UST: variants seen among roughly 807,000 people sequenced by gnomAD.
UST encodes the protein uronyl 2-sulfotransferase.
In UST, 21 loss-of-function variants were observed where a neutral mutation model predicts 45.6. That is an observed-to-expected ratio of 0.46 (90% CI 0.33 to 0.66). The LOEUF (loss-of-function observed/expected upper bound fraction) is 0.66. UST is among the 30% of genes least tolerant of loss of function. The pLI, the probability that UST is intolerant of heterozygous loss-of-function variation, is 0.02. For missense variants in UST, 463 were observed against 512.4 expected, an observed-to-expected ratio of 0.90 and a Z score of 0.93; for synonymous variants, 215 against 200.6, an observed-to-expected ratio of 1.07 and a Z score of -0.61.
intron 2 of UST, among the ~76,000 whole-genome samples, chr6:148,916,652 G>C (rs1779596364): frequency 6.6e-6 from 1 of 152,138 alleles, no homozygotes; most frequent in African/African-American, 2.4e-5. Context: ...CCACTTCTGA[G>C]AGCAGTTTTG....
At chr6:149,010,411 C>A (rs1031643274) in intron 5 of UST, among the ~76,000 whole-genome samples, 2 of 152,094 alleles carry the variant, frequency 1.3e-5, no homozygotes, top group African/African-American at 2.4e-5. Context: ...ACTGTGTTAA[C>A]CAGAAGAAGT....
chr6:148,823,138 G>A (rs1183709842), intron 1 of UST, among the ~76,000 whole-genome samples: 1 of 152,186 alleles, frequency 6.6e-6, no homozygotes, highest in Non-Finnish European at 1.5e-5. Flanking sequence ...TACTCTTTTA[G>A]TTGAAAAATG....
At chr6:148,802,140 C>T (rs1777067686) in intron 1 of UST, among the ~76,000 whole-genome samples, 2 of 152,172 alleles carry the variant, frequency 1.3e-5, no homozygotes, top group Admixed American at 6.5e-5. Flanking sequence ...TCCCATTGCC[C>T]AGCGCTTGTT....
intron 1 of UST, among the ~76,000 whole-genome samples, chr6:148,786,006 C>T (rs140679251): frequency 6.7e-6 from 1 of 149,986 alleles, no homozygotes; most frequent in African/African-American, 2.4e-5. Flanking sequence ...ACAAAAATAT[C>T]ATGTTAGCTT....
intron 1 of UST, among the ~76,000 whole-genome samples, chr6:148,844,971 T>C (rs1403772435): frequency 6.6e-6 from 1 of 152,234 alleles, no homozygotes; most frequent in East Asian, 1.9e-4. Context: ...TTGTTGTTTT[T>C]TTTAATGGCT....
At chr6:149,011,752 C>T (rs1048806140) in intron 5 of UST, among the ~76,000 whole-genome samples, 5 of 152,212 alleles carry the variant, frequency 3.3e-5, no homozygotes, top group African/African-American at 1.2e-4. Context: ...GCAGAGGTTA[C>T]AGCGAGCCGA....
intron 7 of UST, among the ~76,000 whole-genome samples, chr6:149,054,352 G>A (rs1003208655): frequency 9.2e-5 from 14 of 152,192 alleles, no homozygotes; most frequent in African/African-American, 2.7e-4. Flanking sequence ...TGGTGTAAAA[G>A]TTTTCAATGA....
At chr6:148,854,692 C>T (rs1192587318) in intron 1 of UST, among the ~76,000 whole-genome samples, 2 of 152,008 alleles carry the variant, frequency 1.3e-5, no homozygotes, top group African/African-American at 4.8e-5. Flanking sequence ...GAGGGCTGAG[C>T]TTCTATTTCC....
intron 1 of UST, among the ~76,000 whole-genome samples, chr6:148,774,220 C>G (rs1352064792): frequency 1.3e-5 from 2 of 151,256 alleles, no homozygotes; most frequent in Non-Finnish European, 2.9e-5. Context: ...TGTGACACGG[C>G]TATAACTAAA....
In UST at chr6:149,041,574, A is replaced by T. The variant is rs560342406; in HGVS notation, c.937+20093A>T. Among the ~76,000 whole-genome samples, 7 of 152,296 alleles carry T rather than the reference A, an allele frequency of 4.6e-5. No individual in the cohort carries two copies. In the South Asian group the frequency reaches 6.2e-4, roughly 14 times the overall value. On this transcript the variant is annotated intron_variant, in intron 7 of 7. Coordinates refer to ENST00000367463, the MANE Select transcript of UST (RefSeq NM_005715.3). ...CCAGGCCTTCAGTTTAGTCATGGAGATCCTTTCCACAGTGACACAGAGTGT... is the reference window on the plus strand; with the variant it reads ...CCAGGCCTTCAGTTTAGTCATGGAGTTCCTTTCCACAGTGACACAGAGTGT...
rs1193494513 is a variant in UST, at chr6:149,012,110, C to CCTGATG, written c.682-7020_682-7015dup. ...ACAGGGAGAGCAACGTGCTTCTCTGCCTGATGCTGATGCTTCCTGGATGGC... is the reference window on the plus strand; with the variant it reads ...ACAGGGAGAGCAACGTGCTTCTCTGCCTGATGCTGATGCTGATGCTTCCTGGATGGC... On this transcript the variant is annotated intron_variant, in intron 5 of 7. Transcript: ENST00000367463. Among the ~76,000 whole-genome samples, 2 of 152,168 alleles carry CCTGATG rather than the reference C, an allele frequency of 1.3e-5. 1 individual carries two copies. The highest frequency in any genetic ancestry group is 3.8e-4 in the East Asian group (2 of 5,198).
At chr6:148,863,771 C>T (rs937167292) in intron 1 of UST, among the ~76,000 whole-genome samples, 2 of 152,312 alleles carry the variant, frequency 1.3e-5, no homozygotes, top group Admixed American at 6.5e-5. Context: ...GCAGGTCACT[C>T]CAGACCCTGT....
At chr6:148,956,375 C>T (rs1048068264) in intron 4 of UST, among the ~76,000 whole-genome samples, 17 of 50,030 alleles carry the variant, frequency 3.4e-4, no homozygotes, top group South Asian at 1.4e-3. Flanking sequence ...TACATGGTGG[C>T]GGCAAGAGAA....
At chr6:148,898,731 A>G (rs1283491871) in intron 2 of UST, among the ~76,000 whole-genome samples, 2 of 152,220 alleles carry the variant, frequency 1.3e-5, no homozygotes, top group Non-Finnish European at 2.9e-5. Context: ...AGTTTTAAAA[A>G]TATGTAGTTT....
intron 4 of UST, among the ~76,000 whole-genome samples, chr6:148,960,322 C>G (rs954538165): frequency 1.3e-5 from 2 of 152,176 alleles, no homozygotes; most frequent in African/African-American, 4.8e-5. Context: ...CCCTCTCCGC[C>G]TCAGCCACTC....
intron 1 of UST, among the ~76,000 whole-genome samples, chr6:148,800,064 C>A (rs1018028590): frequency 2.0e-5 from 3 of 152,174 alleles, no homozygotes; most frequent in African/African-American, 7.2e-5. Context: ...GAGGAAGATT[C>A]TTTACTTTCC....
At chr6:148,902,605 C>T (rs1305347295) in intron 2 of UST, among the ~76,000 whole-genome samples, 1 of 152,024 alleles carries the variant, frequency 6.6e-6, no homozygotes, top group Non-Finnish European at 1.5e-5. Context: ...TCTTGAACTC[C>T]TGGCCTTCAG....
At chr6:148,771,077 G>GTTTGTT (rs1420894499) in intron 1 of UST, among the ~76,000 whole-genome samples, 2 of 152,146 alleles carry the variant, frequency 1.3e-5, no homozygotes, top group Non-Finnish European at 2.9e-5. Context: ...CAAGCTGATG[G>GTTTGTT]TTTGTTTTTT....
chr6:148,929,249 G>C (rs1013327215), intron 2 of UST, among the ~76,000 whole-genome samples: 1 of 152,204 alleles, frequency 6.6e-6, no homozygotes, highest in African/African-American at 2.4e-5. Context: ...CTAAGAGGAA[G>C]GCAGTTCCAC....
Sources: gnomAD v4.1 joint callset for allele counts (sites outside exome capture counted in the v4.1 genomes callset) on GRCh38, gnomAD v4.1.1 for gene constraint, MANE v1.5 for transcripts, NCBI Gene and HGNC (gene_info 2026-07-23, HGNC 2026-07-21) for gene names.